The following PRKG1 variants were observed in gnomAD, a reference collection of about 807,000 sequenced individuals.
PRKG1 encodes protein kinase cGMP-dependent 1.
PRKG1 carries 35 observed loss-of-function variants against 88.1 expected under a neutral mutation model. The observed-to-expected ratio is 0.40, with a 90% CI of 0.30 to 0.53. The LOEUF is 0.53. PRKG1 is among the 20% of genes least tolerant of loss of function. The pLI, the probability that PRKG1 is intolerant of heterozygous loss-of-function variation, is 0.59. For synonymous variants in PRKG1, 303 were observed against 292.5 expected (o/e 1.04, Z -0.37); for missense variants, 540 against 839.8 (o/e 0.64, Z 4.41).
intron 5 of PRKG1, among the ~76,000 whole-genome samples, chr10:51,951,548 A>G (rs1191150423): frequency 1.3e-5 from 2 of 152,178 alleles, no homozygotes; most frequent in Non-Finnish European, 2.9e-5. Context: ...TAATAAATAT[A>G]TTTTCACTTA....
intron 3 of PRKG1, among the ~76,000 whole-genome samples, chr10:51,561,300 A>C (rs1837454911): frequency 6.6e-6 from 1 of 151,982 alleles, no homozygotes. Context: ...ACTGCACTCC[A>C]GCCTGGGTGA....
At chr10:51,949,019 G>A (rs1843123046) in intron 5 of PRKG1, among the ~76,000 whole-genome samples, 1 of 152,050 alleles carries the variant, frequency 6.6e-6, no homozygotes. Flanking sequence ...TCAACTACAT[G>A]ATTTTCATTA....
At chr10:51,998,297 A>T (rs1844503705) in intron 5 of PRKG1, among the ~76,000 whole-genome samples, 1 of 152,062 alleles carries the variant, frequency 6.6e-6, no homozygotes, top group South Asian at 2.1e-4. Context: ...CATGACATTG[A>T]CATTGTGTCA....
intron 7 of PRKG1, among the ~76,000 whole-genome samples, chr10:52,094,849 C>T (rs904468928): frequency 6.6e-6 from 1 of 152,166 alleles, no homozygotes; most frequent in Non-Finnish European, 1.5e-5. Context: ...TCCCAAGACC[C>T]CATCTCCAAA....
chr10:52,195,836 T>C (rs1344980774), intron 9 of PRKG1, among the ~76,000 whole-genome samples: 3 of 152,126 alleles, frequency 2.0e-5, no homozygotes, highest in Non-Finnish European at 2.9e-5. Flanking sequence ...AATCAAAAAC[T>C]TATAGTCAGA....
At chr10:51,131,516 G>A (rs981109362) in intron 1 of PRKG1, among the ~76,000 whole-genome samples, 6 of 152,148 alleles carry the variant, frequency 3.9e-5, no homozygotes, top group Non-Finnish European at 7.3e-5. Flanking sequence ...GGAAGCAGAG[G>A]TGGGCGGATC....
intron 2 of PRKG1, among the ~76,000 whole-genome samples, chr10:51,285,320 C>G (rs914847420): frequency 6.6e-6 from 1 of 152,004 alleles, no homozygotes; most frequent in African/African-American, 2.4e-5. Flanking sequence ...TTTTTTAGCA[C>G]AAGAAGCAGT....
At chr10:51,099,118 C>T (rs1844614524) in intron 1 of PRKG1, among the ~76,000 whole-genome samples, 1 of 152,080 alleles carries the variant, frequency 6.6e-6, no homozygotes, top group African/African-American at 2.4e-5. Context: ...TAAATTCTTG[C>T]ATGTGAACCC....
intron 9 of PRKG1, among the ~76,000 whole-genome samples, chr10:52,205,054 T>C (rs1469427186): frequency 1.3e-5 from 2 of 152,106 alleles, no homozygotes; most frequent in Admixed American, 6.5e-5. Context: ...CAGATGTAGA[T>C]AGGGATGAAA....
intron 3 of PRKG1, among the ~76,000 whole-genome samples, chr10:51,801,703 C>T (rs909622309): frequency 1.3e-5 from 2 of 152,068 alleles, no homozygotes; most frequent in African/African-American, 4.8e-5. Flanking sequence ...CTTAGTCTAG[C>T]ACAATTTTAT....
At chr10:51,205,589 G>A (rs1230252824) in intron 2 of PRKG1, among the ~76,000 whole-genome samples, 1 of 151,992 alleles carries the variant, frequency 6.6e-6, no homozygotes, top group Non-Finnish European at 1.5e-5. Flanking sequence ...TAGCTGGAGT[G>A]CAGTGGTACA....
chr10:51,302,876 C>T (rs1161233247), intron 2 of PRKG1: 2 of 152,138 alleles, frequency 1.3e-5, no homozygotes, highest in Non-Finnish European at 2.9e-5. Flanking sequence ...AAATAGGGAA[C>T]TTGAAACTCT....
chr10:51,094,576 T>G (rs1045404396), intron 1 of PRKG1, among the ~76,000 whole-genome samples: 4 of 152,022 alleles, frequency 2.6e-5, no homozygotes, highest in African/African-American at 9.7e-5. Flanking sequence ...TTGAATGGTA[T>G]CATGAAAGAT....
chr10:51,213,885 A>C (rs1294996251), intron 2 of PRKG1, among the ~76,000 whole-genome samples: 4 of 152,164 alleles, frequency 2.6e-5, no homozygotes, highest in African/African-American at 9.6e-5. Flanking sequence ...ATTTGATGAG[A>C]TATTTCTAGC....
In PRKG1 at chr10:51,464,707, C is replaced by T. The variant is rs1182728249; in HGVS notation, c.479-3016C>T. 4.0e-5 allele frequency among the ~76,000 whole-genome samples: 6 copies of T among 151,212 alleles called. No homozygotes were observed. In the South Asian group the frequency reaches 6.3e-4, roughly 16 times the overall value. On this transcript the variant is annotated intron_variant, in intron 2 of 17. Transcript: ENST00000373980. ...GAGATCGAGACCATCCCGGCTAAAA[C>T]GGTGAAACCCCGTCTCTACTAAAAA...
intron 3 of PRKG1, among the ~76,000 whole-genome samples, chr10:51,557,333 G>A (rs936218466): frequency 6.6e-5 from 9 of 136,934 alleles, no homozygotes; most frequent in Non-Finnish European, 1.3e-4. Flanking sequence ...CTGGGCACCG[G>A]CATACACCAC....
At chr10:51,719,158 G>A (rs867978175) in intron 3 of PRKG1, among the ~76,000 whole-genome samples, 10 of 106,016 alleles carry the variant, frequency 9.4e-5, no homozygotes, top group Non-Finnish European at 1.8e-4. Flanking sequence ...TCAAAAAAAA[G>A]AGAGAGAGAG....
rs534826783 is a variant in PRKG1 at position 51,785,952 on chromosome 10, G to A, written c.593-18633G>A. ...CGCATCTGTAGCTAGTAATGACATA[G>A]GAGTTATAGAACCTGAGCTGTACTG... On this transcript the variant is annotated intron_variant, in intron 3 of 17. Coordinates refer to ENST00000373980, the MANE Select transcript of PRKG1 (RefSeq NM_006258.4). Among the ~76,000 whole-genome samples the A allele has an allele frequency of 9.9e-5, 15 of 152,220 alleles. No homozygotes were observed. The South Asian group carries it at 2.7e-3, about 27-fold the overall frequency.
intron 2 of PRKG1, among the ~76,000 whole-genome samples, chr10:51,389,133 CAA>C (rs980963782): frequency 6.6e-5 from 10 of 152,166 alleles, no homozygotes; most frequent in African/African-American, 2.4e-4. Context: ...AGTTTGGAAA[CAA>C]GAGTTCTGAT....
Sources: gnomAD v4.1 joint callset for allele counts (sites outside exome capture counted in the v4.1 genomes callset) on GRCh38, gnomAD v4.1.1 for gene constraint, MANE v1.5 for transcripts, NCBI Gene and HGNC (gene_info 2026-07-23, HGNC 2026-07-21) for gene names.